PRKCSH: variants seen among roughly 807,000 people sequenced by gnomAD.
PRKCSH encodes PRKCSH beta subunit of glucosidase II.
Under a neutral mutation model 79.7 loss-of-function variants are expected in PRKCSH, and 42 were observed. That is an observed-to-expected ratio of 0.53 (90% CI 0.41 to 0.68). PRKCSH has a LOEUF of 0.68. Among genes scored for constraint, PRKCSH ranks in the 30% least tolerant of loss-of-function variants. The probability of loss-of-function intolerance (pLI) is 0.00; values close to 1 mark genes in which losing one functional copy is unlikely to be tolerated. For synonymous variants in PRKCSH, 325 were observed against 288.2 expected (o/e 1.13, Z -1.29); for missense variants, 686 against 709.0 (o/e 0.97, Z 0.37).
rs1189627285 is a variant in PRKCSH, at chr19:11,449,071, C to T, written c.1362-5C>T. On this transcript the variant is annotated splice_region_variant and splice_polypyrimidine_tract_variant and intron_variant, in intron 15 of 17. Transcript: ENST00000677123. The surrounding 1 kb of genome is among the most constrained non-coding windows in gnomAD (Gnocchi z 6.4). ...CCAGCCCTCAGCACCCTGTGTCTCTCACAGCACCTGGGGCTCATGGATTGG... is the reference window on the plus strand; with the variant it reads ...CCAGCCCTCAGCACCCTGTGTCTCTTACAGCACCTGGGGCTCATGGATTGG... 3 of 1,613,472 alleles carry T rather than the reference C, an allele frequency of 1.9e-6. No homozygotes were observed. The South Asian group carries it at 3.3e-5, about 18-fold the overall frequency.
Position 11,448,063 on chromosome 19 carries a change from G to A in PRKCSH, c.1127-159G>A, listed in dbSNP as rs532381174. The A allele has an allele frequency of 9.1e-5, 77 of 846,544 alleles. No homozygotes were observed. The African/African-American group carries it at 1.2e-3, about 13-fold the overall frequency. 52.4% of individuals were successfully genotyped at this position (846,544 alleles called of 1,614,324 possible). On this transcript the variant is annotated intron_variant, in intron 12 of 17. Transcript: ENST00000677123. The surrounding 1 kb of genome is among the most constrained non-coding windows in gnomAD (Gnocchi z 4.4). ...CTGGGAGCCTGGGCAGCAAGTCGGG[G>A]CTGCTCTATAGCTGGTGAGGCCCTC...
chr19:11,449,138 G>T lies in PRKCSH; in HGVS notation c.1424G>T (p.Gly475Val). ...TTCAGTGCCATGAAGTATGAGCAAG[G>T]CACGGGCTGCTGGCAGGGCCCCAAC... ...DKFSAMKYEQ[G>V]TGCWQGPNRS... The change falls in exon 16 of 18, where the codon GGC (glycine) becomes GTC (valine). Residue 475 changes from glycine to valine, a missense_variant. Around this residue, in one of 2 missense-constraint regions of PRKCSH, gnomAD observed 137 missense variants for 188.8 expected, o/e 0.73. Transcript: ENST00000677123. The surrounding 1 kb of genome is among the most constrained non-coding windows in gnomAD (Gnocchi z 6.4). The T allele has an allele frequency of 6.2e-7, 1 of 1,613,836 alleles. No homozygotes were observed. The highest frequency in any genetic ancestry group is 1.1e-5 in the South Asian group (1 of 91,086).
chr19:11,443,916 C>T (rs1970178995), intron 7 of PRKCSH, among the ~76,000 whole-genome samples: 1 of 152,098 alleles, frequency 6.6e-6, no homozygotes, highest in South Asian at 2.1e-4. Flanking sequence ...GCTGGGATTA[C>T]AGGCACCTGC....
In PRKCSH at chr19:11,447,715, C is replaced by A; in HGVS notation, c.1052C>A (p.Pro351His). ...CAGGAGGCCCCACCGCCACTGTCAC[C>A]CCCGCAGCCGGCCAGCCCTGCTGAG... ...QPKEAPPPLS[P>H]PQPASPAEED... is the part of the protein sequence containing the mutation. Residue 351 changes from proline (P) to histidine (H), a missense_variant, in exon 12 of 18, where the codon CCC (proline) becomes CAC (histidine). By Grantham distance (77) the Pro-to-His change is moderately conservative. Transcript: ENST00000677123. This position sits in a 1 kb window ranked among gnomAD's most constrained non-coding sequence, Gnocchi z 5.6. The A allele has an allele frequency of 6.3e-7, 1 of 1,587,300 alleles. No individual in the cohort carries two copies. The highest frequency in any genetic ancestry group is 8.6e-7 in the Non-Finnish European group (1 of 1,166,776).
intron 8 of PRKCSH, chr19:11,445,764 T>C: frequency 2.0e-6 from 1 of 510,950 alleles, no homozygotes; most frequent in Non-Finnish European, 3.6e-6. Context: ...CCAGCCCCAC[T>C]ACGCTCTGGG....
chr19:11,436,603 C>G (rs1287928279), intron 3 of PRKCSH, 98 bp downstream of exon 3: 2 of 1,032,666 alleles, frequency 1.9e-6, no homozygotes, highest in African/African-American at 3.2e-5. Context: ...GCTGGCTCCC[C>G]TTTGAGTGGG....
chr19:11,445,325 G>A, intron 7 of PRKCSH, 64 bp from the exon 8 acceptor site: 1 of 1,533,348 alleles, frequency 6.5e-7, no homozygotes, highest in Non-Finnish European at 9.0e-7. Context: ...ACGACCCTGT[G>A]GGGTGCGGGG....
Position 11,437,972 on chromosome 19 carries a change from G to T in PRKCSH, c.292+1G>T, listed in dbSNP as rs774233325. ...AACCGGGTCAACGATGGTGTTTGTG[G>T]TAAGTGAAGATGCACCAGGATTCTG... On this transcript the variant is annotated splice_donor_variant, in intron 4 of 17. Coordinates refer to ENST00000677123, the MANE Select transcript of PRKCSH (RefSeq NM_001289104.2). LOFTEE classifies it high-confidence loss of function. 1.2e-6 allele frequency: 2 copies of T among 1,613,962 alleles called. No individual in the cohort carries two copies. Among genetic ancestry groups the T allele is most frequent in the African/African-American group, 1.3e-5 (1 of 74,920 alleles).
chr19:11,437,787 T>C, intron 3 of PRKCSH, 89 bp from the exon 4 acceptor site: 1 of 1,097,140 alleles, frequency 9.1e-7, no homozygotes, highest in African/African-American at 1.5e-5. Flanking sequence ...CTGTGTGCAG[T>C]GTGGGTCAGG....
chr19:11,436,601 C>T (rs1969760117), intron 3 of PRKCSH, 96 bp downstream of exon 3: 1 of 1,043,442 alleles, frequency 9.6e-7, no homozygotes, highest in Non-Finnish European at 1.4e-6. Flanking sequence ...CTGCTGGCTC[C>T]CCTTTGAGTG....
Position 11,448,484 on chromosome 19 carries a change from T to C in PRKCSH, c.1197-56T>C. The stretch of plus-strand genomic sequence containing the variant: ...CCAGACCCTCCTGTGTCTGTCGTCC[T>C]GGGTCAGGCACTGGCGTCCCCAGCT... On this transcript the variant is annotated intron_variant, in intron 13 of 17. Transcript: ENST00000677123. This position sits in a 1 kb window ranked among gnomAD's most constrained non-coding sequence, Gnocchi z 4.4. 2.0e-6 allele frequency: 3 copies of C among 1,536,250 alleles called. No homozygotes were observed. The highest frequency in any genetic ancestry group is 1.7e-4 in the Middle Eastern group (1 of 5,926).
At chr19:11,445,697 C>T in intron 8 of PRKCSH, 1 of 610,780 alleles carries the variant, frequency 1.6e-6, no homozygotes, top group Non-Finnish European at 3.0e-6. Context: ...AGGAGCTGGG[C>T]ACAGACCCTC....
intron 3 of PRKCSH, among the ~76,000 whole-genome samples, chr19:11,436,968 C>T (rs1450739174): frequency 6.6e-6 from 1 of 152,240 alleles, no homozygotes. Flanking sequence ...AGTCATCCTC[C>T]TGCCTTGGCC....
In PRKCSH at chr19:11,449,423, G is replaced by T; in HGVS notation, c.*11G>T. ...CATGACGAGCTCTAGCTGGATGGGC[G>T]CAGAGGTGGGCGGGGAGGTGGAGTC... On this transcript the variant is annotated 3_prime_UTR_variant, in exon 17 of 18. Transcript: ENST00000677123. This position sits in a 1 kb window ranked among gnomAD's most constrained non-coding sequence, Gnocchi z 6.4. 6.2e-7 allele frequency: 1 copy of T among 1,612,890 alleles called. No individual in the cohort carries two copies. The highest frequency in any genetic ancestry group is 8.5e-7 in the Non-Finnish European group (1 of 1,179,886).
At chr19:11,445,615 C>T in intron 8 of PRKCSH, 142 bp downstream of exon 8, 2 of 820,204 alleles carry the variant, frequency 2.4e-6, no homozygotes, top group Non-Finnish European at 4.0e-6. Context: ...CCCGTGTGAC[C>T]CCGCCTCTTA....
intron 6 of PRKCSH, 96 bp downstream of exon 6, chr19:11,441,453 T>C (rs1970057396): frequency 2.7e-6 from 3 of 1,125,564 alleles, no homozygotes; most frequent in Admixed American, 1.7e-5. Flanking sequence ...CCCTGACTGC[T>C]GTTCTGGGGC....
In PRKCSH at chr19:11,447,503, C is replaced by T. The variant is rs201385707; in HGVS notation, c.914C>T (p.Pro305Leu). Residue 305 changes from proline (P) to leucine (L), a missense_variant, in exon 11 of 18, where the codon CCG (proline) becomes CTG (leucine). Around this residue, in one of 2 missense-constraint regions of PRKCSH, gnomAD observed 549 missense variants for 520.2 expected, o/e 1.06. Coordinates refer to ENST00000677123, the MANE Select transcript of PRKCSH (RefSeq NM_001289104.2). This position sits in a 1 kb window ranked among gnomAD's most constrained non-coding sequence, Gnocchi z 5.6. ...PDLTEPKEEQ[P>L]PVPSSPTEEE... ...TTGACGGAGCCCAAGGAGGAGCAGC[C>T]GCCAGTGCCCTCGTCGCCCACAGAG... The T allele has an allele frequency of 8.2e-5, 133 of 1,613,218 alleles. No homozygotes were observed. The highest frequency in any genetic ancestry group is 1.6e-4 in the Middle Eastern group (1 of 6,072).
rs1335042753 is a variant in PRKCSH, at chr19:11,447,412, ACAC to A, written c.850-25_850-23del. On this transcript the variant is annotated intron_variant, in intron 10 of 17. Transcript: ENST00000677123. The surrounding 1 kb of genome is among the most constrained non-coding windows in gnomAD (Gnocchi z 5.6). ...GGTGTGGGTGGACCCTGAGTCCACA[ACAC>A]CGACCGCACTGCTCACCCGCCAGGC... 3.1e-6 allele frequency: 5 copies of A among 1,611,158 alleles called. No homozygotes were observed. In the African/African-American group the frequency reaches 6.7e-5, roughly 22 times the overall value.
rs201337319 is a variant in PRKCSH, at chr19:11,447,118, C to T, written c.807C>T (p.Tyr269=). The change falls in exon 10 of 18, where the codon TAC becomes TAT. Residue 269 remains tyrosine (Y), a synonymous_variant. Transcript: ENST00000677123. The surrounding 1 kb of genome is among the most constrained non-coding windows in gnomAD (Gnocchi z 5.6). The part of the protein sequence containing the change: ...GDTQTDATSF[Y]DRVWAAIRDK... ...CACAGACAGACGCCACCTCTTTCTA[C>T]GACCGCGTCTGGGCCGCCATCAGGG... 3.6e-4 allele frequency: 582 copies of T among 1,613,998 alleles called. 1 individual carries two copies. In the African/African-American group the frequency reaches 3.9e-3, roughly 11 times the overall value.
Sources: gnomAD v4.1 joint callset for allele counts (sites outside exome capture counted in the v4.1 genomes callset) on GRCh38, gnomAD v4.1.1 for gene constraint, gnomAD v4.1.1 regional missense constraint, Gnocchi (gnomAD v3.1) non-coding constraint, MANE v1.5 for transcripts, NCBI Gene and HGNC (gene_info 2026-07-23, HGNC 2026-07-21) for gene names.